The following CFAP70 variants were observed in gnomAD, a reference collection of about 807,000 sequenced individuals.
CFAP70 encodes cilia- and flagella-associated protein 70.
CFAP70 carries 81 observed loss-of-function variants against 137.6 expected under a neutral mutation model. The ratio of observed to expected loss-of-function variants is 0.59; its 90% CI spans 0.49 to 0.71. The LOEUF (loss-of-function observed/expected upper bound fraction) is 0.71, where lower values mean the gene tolerates loss of function less well. CFAP70 is among the 30% of genes least tolerant of loss of function. The pLI, the probability that CFAP70 is intolerant of heterozygous loss-of-function variation, is 0.00. For synonymous variants in CFAP70, 382 were observed against 423.6 expected (o/e 0.90, Z 1.20); for missense variants, 976 against 1,226.7 (o/e 0.80, Z 3.05).
intron 12 of CFAP70, among the ~76,000 whole-genome samples, chr10:73,305,493 G>C (rs1256449272): frequency 6.6e-6 from 1 of 152,182 alleles, no homozygotes; most frequent in African/African-American, 2.4e-5. Context: ...TACAGGTTCA[G>C]TATAAGCAGG....
intron 25 of CFAP70, among the ~76,000 whole-genome samples, chr10:73,264,215 A>G (rs1173737774): frequency 2.0e-5 from 3 of 152,128 alleles, no homozygotes; most frequent in Non-Finnish European, 4.4e-5. Flanking sequence ...GCCATCTTCC[A>G]AGAAGCCTCT....
At chr10:73,291,262 C>A in exon 19 of CFAP70, 1 of 1,614,204 alleles carries the variant, frequency 6.2e-7, no homozygotes, top group Non-Finnish European at 8.5e-7. Flanking sequence ...GTTGCAGAAC[C>A]ATTTGTGATT....
At chr10:73,319,723 A>G (rs994590017) in intron 9 of CFAP70, among the ~76,000 whole-genome samples, 6 of 152,232 alleles carry the variant, frequency 3.9e-5, no homozygotes, top group African/African-American at 1.4e-4. Context: ...TTACTGTACC[A>G]GGTGAGCAAA....
Position 73,318,711 on chromosome 10 carries a change from A to T in CFAP70, c.912+4252T>A, listed in dbSNP as rs190782337. On this transcript the variant is annotated intron_variant, in intron 9 of 26. Coordinates refer to ENST00000310715, the Ensembl canonical transcript of CFAP70. ...AGAATTCAAACTCCAGGCTGCCTGA[A>T]TGGGTTATCAAACCTCATAACTTTT... 3.9e-5 allele frequency among the ~76,000 whole-genome samples: 6 copies of T among 152,332 alleles called. No individual in the cohort carries two copies. In the East Asian group the frequency reaches 9.6e-4, roughly 24 times the overall value.
At chr10:73,279,597 G>T (rs766406109) in intron 19 of CFAP70, among the ~76,000 whole-genome samples, 13 of 151,262 alleles carry the variant, frequency 8.6e-5, no homozygotes, top group Non-Finnish European at 1.3e-4. Context: ...GGTGACTCAC[G>T]CCTGTGAGCC....
intron 12 of CFAP70, among the ~76,000 whole-genome samples, chr10:73,303,360 G>C (rs560344828): frequency 6.6e-6 from 1 of 152,276 alleles, no homozygotes; most frequent in Non-Finnish European, 1.5e-5. Context: ...TGGGACTACA[G>C]ACGCCCGCCA....
At chr10:73,296,876 A>T in intron 15 of CFAP70, 166 bp downstream of exon 16, 1 of 616,588 alleles carries the variant, frequency 1.6e-6, no homozygotes, top group Non-Finnish European at 2.4e-6. Context: ...TTAGTCTTAA[A>T]CTGATTAGGC....
At chr10:73,278,115 A>G in intron 20 of CFAP70, 64 bp downstream of exon 21, 1 of 1,523,804 alleles carries the variant, frequency 6.6e-7, no homozygotes, top group Non-Finnish European at 9.0e-7. Flanking sequence ...TCATCATCGT[A>G]AGAGTCTTCA....
rs767482369 is a variant in CFAP70, at chr10:73,254,068, GGAA to G, written c.3076-16_3076-14del. 7.6e-5 allele frequency: 120 copies of G among 1,584,062 alleles called. No individual in the cohort carries two copies. The highest frequency in any genetic ancestry group is 2.6e-6 in the Non-Finnish European group (3 of 1,157,316). ...CTTTCAATTTCAGCTACATGAAAGA[GGAA>G]GAAAGGGAAAGATATATGTCATACG... On this transcript the variant is annotated splice_polypyrimidine_tract_variant and intron_variant, in intron 26 of 26. Transcript: ENST00000310715.
At chr10:73,347,030 T>G (rs1162632123) in intron 4 of CFAP70, 6 of 152,242 alleles carry the variant, frequency 3.9e-5, no homozygotes, top group Non-Finnish European at 8.8e-5. Context: ...TTCTCACTAC[T>G]GTGCTTAACT....
chr10:73,305,701 C>T (rs924183107), intron 12 of CFAP70, among the ~76,000 whole-genome samples: 2 of 152,152 alleles, frequency 1.3e-5, no homozygotes, highest in Non-Finnish European at 2.9e-5. Flanking sequence ...AGCAGCCAAA[C>T]GTAGCGAAGG....
chr10:73,361,109 G>A (rs890170154), upstream of CFAP70, among the ~76,000 whole-genome samples: 1 of 150,622 alleles, frequency 6.6e-6, no homozygotes, highest in Non-Finnish European at 1.5e-5. Flanking sequence ...AGTGATTCTT[G>A]TGCCTCAGCC....
At chr10:73,262,741 T>TG (rs1278833529) in intron 25 of CFAP70, among the ~76,000 whole-genome samples, 5 of 152,260 alleles carry the variant, frequency 3.3e-5, no homozygotes, top group South Asian at 2.1e-4. Flanking sequence ...AGGTATCCAC[T>TG]GGGGGGTCTT....
exon 3 of CFAP70, chr10:73,353,676 C>T (rs981745207): frequency 1.2e-6 from 2 of 1,614,160 alleles, no homozygotes; most frequent in African/African-American, 1.3e-5. Context: ...TTTGCAGAGT[C>T]TCCCAGAACC....
intron 5 of CFAP70, among the ~76,000 whole-genome samples, chr10:73,343,786 C>A (rs192797757): frequency 6.6e-6 from 1 of 151,860 alleles, no homozygotes; most frequent in East Asian, 1.9e-4. Context: ...ATAAAGGAGC[C>A]CTTTTCAAGT....
chr10:73,265,184 G>A (rs2045635795), intron 25 of CFAP70, among the ~76,000 whole-genome samples: 2 of 152,064 alleles, frequency 1.3e-5, no homozygotes, highest in Admixed American at 1.3e-4. Flanking sequence ...AATTAGCCGG[G>A]CGTGGTGGCC....
At chr10:73,284,094 T>C (rs1444974986) in intron 19 of CFAP70, among the ~76,000 whole-genome samples, 2 of 152,216 alleles carry the variant, frequency 1.3e-5, no homozygotes, top group Non-Finnish European at 2.9e-5. Flanking sequence ...TCAGTTTCAC[T>C]GGATTAAGGT....
chr10:73,330,094 C>G (rs1201251891), intron 8 of CFAP70, among the ~76,000 whole-genome samples: 1 of 151,946 alleles, frequency 6.6e-6, no homozygotes, highest in Non-Finnish European at 1.5e-5. Flanking sequence ...AAATTTAATT[C>G]CAAGCATAAA....
intron 6 of CFAP70, among the ~76,000 whole-genome samples, chr10:73,339,107 CAG>C (rs542609419): frequency 4.3e-4 from 65 of 151,820 alleles, no homozygotes; most frequent in Non-Finnish European, 7.5e-4. Context: ...TTAGTAGAGA[CAG>C]AGTTTCATCA....
Sources: allele counts gnomAD v4.1 joint callset (sites outside exome capture counted in the v4.1 genomes callset), GRCh38; gene constraint gnomAD v4.1.1; transcripts MANE v1.5; gene names NCBI Gene and HGNC (gene_info 2026-07-23, HGNC 2026-07-21).